The following SLC24A2 variants were observed in gnomAD, a reference collection of about 807,000 sequenced individuals.
The protein encoded by SLC24A2 is solute carrier family 24 member 2, also known as sodium/potassium/calcium exchanger 2.
SLC24A2 carries 36 observed loss-of-function variants against 62.0 expected under a neutral mutation model. The observed-to-expected ratio is 0.58, with a 90% confidence interval of 0.44 to 0.77. SLC24A2 has a LOEUF of 0.77. SLC24A2 is among the 30% of genes least tolerant of loss of function. The pLI, the probability that SLC24A2 is intolerant of heterozygous loss-of-function variation, is 0.00. For missense variants in SLC24A2, 846 were observed against 817.9 expected (o/e 1.03, Z -0.42); for synonymous variants, 358 against 294.0 (o/e 1.22, Z -2.23).
chr9:19,872,019 G>C, the SLC24A2 span, among the ~76,000 whole-genome samples: 1 of 152,000 alleles, frequency 6.6e-6, no homozygotes, highest in South Asian at 2.1e-4. Flanking sequence ...GATTCTCTTG[G>C]TGTATGGACC....
At chr9:19,881,231 A>G in the SLC24A2 span, among the ~76,000 whole-genome samples, 1 of 152,196 alleles carries the variant, frequency 6.6e-6, no homozygotes, top group Non-Finnish European at 1.5e-5. Flanking sequence ...AGATCCTCCA[A>G]TATTTAGATT....
At chr9:20,110,047 C>G in the SLC24A2 span, among the ~76,000 whole-genome samples, 1 of 152,026 alleles carries the variant, frequency 6.6e-6, no homozygotes, top group East Asian at 1.9e-4. Flanking sequence ...TTAAAGCTTT[C>G]TATTTCAACG....
chr9:19,703,253 G>A (rs1564050801), intron 2 of SLC24A2, among the ~76,000 whole-genome samples: 1 of 152,160 alleles, frequency 6.6e-6, no homozygotes, highest in Non-Finnish European at 1.5e-5. Context: ...TTTTACAGAT[G>A]ATAAAGCTAG....
the SLC24A2 span, among the ~76,000 whole-genome samples, chr9:19,904,166 G>A: frequency 6.6e-6 from 1 of 152,310 alleles, no homozygotes; most frequent in Non-Finnish European, 1.5e-5. Flanking sequence ...GATCTTGTTA[G>A]ATATGAAGAA....
At chr9:20,067,632 C>T in the SLC24A2 span, among the ~76,000 whole-genome samples, 1 of 151,998 alleles carries the variant, frequency 6.6e-6, no homozygotes, top group African/African-American at 2.4e-5. Context: ...TGAGAACATG[C>T]AGTATTTTGT....
the SLC24A2 span, among the ~76,000 whole-genome samples, chr9:20,047,801 G>A: frequency 6.6e-6 from 1 of 151,356 alleles, no homozygotes; most frequent in African/African-American, 2.4e-5. Flanking sequence ...CATCACCTTG[G>A]GGGTTAGGAT....
At chr9:20,057,868 G>T in the SLC24A2 span, among the ~76,000 whole-genome samples, 1 of 152,152 alleles carries the variant, frequency 6.6e-6, no homozygotes, top group Non-Finnish European at 1.5e-5. Context: ...ACAAGGTCAA[G>T]TTGTAAGTAT....
At chr9:20,259,874 A>T in the SLC24A2 span, among the ~76,000 whole-genome samples, 9 of 152,296 alleles carry the variant, frequency 5.9e-5, no homozygotes, top group Non-Finnish European at 7.3e-5. Context: ...GGACTGCTTG[A>T]GCCCAGGAGT....
At chr9:20,116,922 A>G in the SLC24A2 span, among the ~76,000 whole-genome samples, 1 of 152,146 alleles carries the variant, frequency 6.6e-6, no homozygotes, top group Admixed American at 6.6e-5. Flanking sequence ...CCCTGTTAAT[A>G]ATCAAACATA....
At chr9:19,926,059 C>G in the SLC24A2 span, 2 of 152,100 alleles carry the variant, frequency 1.3e-5, no homozygotes, top group Admixed American at 1.3e-4. Flanking sequence ...TCGAGTTACC[C>G]TTTGTGTTGA....
At chr9:19,960,391 T>C in the SLC24A2 span, among the ~76,000 whole-genome samples, 2 of 152,188 alleles carry the variant, frequency 1.3e-5, no homozygotes. Context: ...TATAATTGAC[T>C]TCACTGTGCA....
the SLC24A2 span, among the ~76,000 whole-genome samples, chr9:19,919,940 C>G: frequency 6.6e-6 from 1 of 152,032 alleles, no homozygotes; most frequent in Non-Finnish European, 1.5e-5. Flanking sequence ...GGTGGGGACA[C>G]AGCCAAACTA....
chr9:19,810,149 G>C, the SLC24A2 span, among the ~76,000 whole-genome samples: 3 of 152,258 alleles, frequency 2.0e-5, no homozygotes, highest in Non-Finnish European at 2.9e-5. Context: ...GTCTAAAAGT[G>C]GGGAGAGGTG....
At chr9:20,216,793 G>C in the SLC24A2 span, among the ~76,000 whole-genome samples, 1 of 151,986 alleles carries the variant, frequency 6.6e-6, no homozygotes, top group Non-Finnish European at 1.5e-5. Context: ...AATATTTCTG[G>C]GAAAAGTATA....
chr9:19,647,989 G>A (rs1185581251), intron 2 of SLC24A2, among the ~76,000 whole-genome samples: 1 of 152,100 alleles, frequency 6.6e-6, no homozygotes, highest in Non-Finnish European at 1.5e-5. Context: ...TGTATGGAAG[G>A]CAAGAAAGAA....
chr9:20,307,546 G>A, the SLC24A2 span, among the ~76,000 whole-genome samples: 1 of 152,166 alleles, frequency 6.6e-6, no homozygotes, highest in Non-Finnish European at 1.5e-5. Flanking sequence ...GCAAATTGTA[G>A]GCATTGTGAG....
At chr9:20,082,358 A>G in the SLC24A2 span, among the ~76,000 whole-genome samples, 1 of 152,220 alleles carries the variant, frequency 6.6e-6, no homozygotes, top group Non-Finnish European at 1.5e-5. Context: ...CTCTTCAGGA[A>G]AATCACATGG....
At chr9:20,169,192 T>C in the SLC24A2 span, among the ~76,000 whole-genome samples, 693 of 152,020 alleles carry the variant, frequency 4.6e-3, 3 homozygotes, top group African/African-American at 0.016. Flanking sequence ...AATCAGGGGC[T>C]GAGAAGGAAG....
At chr9:19,794,235 C>A in the SLC24A2 span, among the ~76,000 whole-genome samples, 4 of 152,102 alleles carry the variant, frequency 2.6e-5, no homozygotes, top group Admixed American at 1.3e-4. Flanking sequence ...ATTTTTCTGG[C>A]CTTAAATGCC....
Sources: allele counts gnomAD v4.1 joint callset (sites outside exome capture counted in the v4.1 genomes callset), GRCh38; gene constraint gnomAD v4.1.1; transcripts MANE v1.5; gene names NCBI Gene and HGNC (gene_info 2026-07-23, HGNC 2026-07-21).